DENND2B: variants seen among roughly 807,000 people sequenced by gnomAD.
DENND2B encodes DENN domain containing 2B, also known as DENN domain-containing protein 2B.
Under a neutral mutation model 116.0 loss-of-function variants are expected in DENND2B, and 32 were observed. The observed-to-expected ratio is 0.28, with a 90% CI of 0.21 to 0.37. The LOEUF is 0.37. Ranked by LOEUF, DENND2B falls within the 10% of genes least tolerant of loss-of-function variation. DENND2B has a pLI of 1.00. For synonymous variants in DENND2B, 588 were observed against 583.9 expected, an observed-to-expected ratio of 1.01 and a Z score of -0.10; for missense variants, 1,276 against 1,477.7, an observed-to-expected ratio of 0.86 and a Z score of 2.24.
chr11:8,837,077 G>C (rs2062458103), intron 4 of DENND2B, among the ~76,000 whole-genome samples: 2 of 151,994 alleles, frequency 1.3e-5, no homozygotes, highest in Admixed American at 6.5e-5. Context: ...AAAATACTTT[G>C]GAGATTGTCT....
At chr11:8,758,768 C>G (rs1329636237) in intron 1 of DENND2B, among the ~76,000 whole-genome samples, 1 of 152,164 alleles carries the variant, frequency 6.6e-6, no homozygotes, top group Non-Finnish European at 1.5e-5. Context: ...AGCGCTGTGC[C>G]TCCTCATCCA....
chr11:8,799,753 T>G (rs2060155312), intron 1 of DENND2B, among the ~76,000 whole-genome samples: 1 of 151,536 alleles, frequency 6.6e-6, no homozygotes, highest in South Asian at 2.1e-4. Context: ...TCCTTTATAG[T>G]TGCTGGGGTC....
At chr11:8,724,244 C>G (rs1481174807) in intron 4 of DENND2B, among the ~76,000 whole-genome samples, 1 of 151,504 alleles carries the variant, frequency 6.6e-6, no homozygotes, top group Admixed American at 6.6e-5. Context: ...TGCAGTGAGC[C>G]GAGATCGCAC....
rs1251910665 is a variant in DENND2B, at chr11:8,730,800, T to C, written c.490A>G (p.Ile164Val). The change falls in exon 3 of 20, where the codon ATC becomes GTC. Residue 164 changes from isoleucine (I) to valine (V), a missense_variant. Transcript: ENST00000313726. The surrounding 1 kb of genome is among the most constrained non-coding windows in gnomAD (Gnocchi z 4.1). The part of the protein sequence containing the change: ...RTGTRAHSLG[I>V]REKISAWEGR... ...TCCCATGCTGATATCTTCTCCCGGA[T>C]GCCCAGGCTGTGGGCGCGGGTACCG... 5 of 1,613,132 alleles carry C rather than the reference T, an allele frequency of 3.1e-6. No individual in the cohort carries two copies. In the Admixed American group the frequency reaches 6.7e-5, roughly 21 times the overall value.
rs764507067 is a variant in DENND2B at position 8,726,185 on chromosome 11, T to G, written c.1365A>C (p.Ala455=). 2 of 1,612,086 alleles carry G rather than the reference T, an allele frequency of 1.2e-6. No homozygotes were observed. Among genetic ancestry groups the G allele is most frequent in the Non-Finnish European group, 1.7e-6 (2 of 1,179,230 alleles). The part of the protein sequence containing the change: ...QSRKSFEFED[A]SSLQSLYPSS... ...AGGGGTACAGGGACTGGAGACTGGATGCATCCTCAAACTCAAAGGATTTTC... is the reference window on the plus strand; with the variant it reads ...AGGGGTACAGGGACTGGAGACTGGAGGCATCCTCAAACTCAAAGGATTTTC... The change falls in exon 4 of 20, where the codon GCA becomes GCC. Residue 455 remains alanine (A), a synonymous_variant. Transcript: ENST00000313726.
At chr11:8,724,468 TCTC>T (rs1363885336) in intron 4 of DENND2B, among the ~76,000 whole-genome samples, 2 of 152,002 alleles carry the variant, frequency 1.3e-5, no homozygotes, top group Non-Finnish European at 2.9e-5. Flanking sequence ...ACACAGCCTC[TCTC>T]CTCCTCACTG....
At chr11:8,858,201 C>G (rs1441430803) in intron 2 of DENND2B, among the ~76,000 whole-genome samples, 2 of 152,142 alleles carry the variant, frequency 1.3e-5, no homozygotes, top group Admixed American at 1.3e-4. Context: ...GCAAAAGATA[C>G]CATTTAGTCA....
chr11:8,726,296 A>T, intron 3 of DENND2B, 87 bp from the exon 4 acceptor site: 1 of 1,497,290 alleles, frequency 6.7e-7, no homozygotes, highest in Non-Finnish European at 8.9e-7. Flanking sequence ...AGCAAAGACC[A>T]TAGGCCCTCC....
At chr11:8,844,983 C>G (rs1016617224) in intron 3 of DENND2B, among the ~76,000 whole-genome samples, 2 of 152,100 alleles carry the variant, frequency 1.3e-5, no homozygotes, top group Non-Finnish European at 2.9e-5. Flanking sequence ...CTCAAGTGAT[C>G]CTCCTGCCTC....
At chr11:8,715,490 A>C in intron 6 of DENND2B, 113 bp downstream of exon 6, 1 of 1,049,326 alleles carries the variant, frequency 9.5e-7, no homozygotes, top group Non-Finnish European at 1.4e-6. Context: ...TTCAAAGGGA[A>C]TCGAGGAAGC....
chr11:8,871,695 A>G (rs2063784800), upstream of DENND2B, among the ~76,000 whole-genome samples: 2 of 152,200 alleles, frequency 1.3e-5, no homozygotes, highest in African/African-American at 2.4e-5. Flanking sequence ...GTCTCAACCG[A>G]AAGCTCCAAA....
At chr11:8,791,135 AC>A (rs2059342453) in intron 1 of DENND2B, among the ~76,000 whole-genome samples, 1 of 152,154 alleles carries the variant, frequency 6.6e-6, no homozygotes, top group African/African-American at 2.4e-5. Flanking sequence ...ACCTGCTTAG[AC>A]TTTGGCCTAC....
At chr11:8,824,854 T>TTG (rs2061914956) in intron 4 of DENND2B, among the ~76,000 whole-genome samples, 1 of 2,984 alleles carries the variant, frequency 3.4e-4, no homozygotes, top group Non-Finnish European at 0.01. Context: ...CACCCAGCTA[T>TTG]TTTTTTTTTT....
intron 1 of DENND2B, among the ~76,000 whole-genome samples, chr11:8,801,098 T>C (rs1359391878): frequency 6.6e-6 from 1 of 151,816 alleles, no homozygotes; most frequent in Non-Finnish European, 1.5e-5. Flanking sequence ...ATTCCCATTC[T>C]GCTCTTTGAC....
chr11:8,875,205 C>T (rs1172986782), upstream of DENND2B, among the ~76,000 whole-genome samples: 3 of 151,720 alleles, frequency 2.0e-5, no homozygotes, highest in Non-Finnish European at 2.9e-5. Flanking sequence ...CACCTGTAGT[C>T]CCAGCTACTT....
chr11:8,719,878 T>TC (rs996861616), intron 4 of DENND2B, among the ~76,000 whole-genome samples: 2 of 152,154 alleles, frequency 1.3e-5, no homozygotes, highest in African/African-American at 2.4e-5. Flanking sequence ...TTTATTGTCA[T>TC]CCCCAACCTA....
intron 1 of DENND2B, among the ~76,000 whole-genome samples, chr11:8,909,475 A>G (rs1170374252): frequency 3.3e-5 from 5 of 150,954 alleles, no homozygotes; most frequent in Admixed American, 1.3e-4. Context: ...GAAGAAATGG[A>G]AAAAAAAAGA....
rs1236406587 is a variant in DENND2B, at chr11:8,731,076, G to A, written c.214C>T (p.Pro72Ser). Residue 72 changes from proline to serine, a missense_variant, in exon 3 of 20, where the codon CCC (proline) becomes TCC (serine). Coordinates refer to ENST00000313726, the MANE Select transcript of DENND2B (RefSeq NM_213618.2). Reference protein sequence around the residue: ...SSRVLLKDRHPPAPSPQNPQD... With the variant: ...SSRVLLKDRHSPAPSPQNPQD... ...GGATTCTGGGGTGAAGGAGCTGGGG[G>A]GTGCCGGTCCTTGAGGAGCACCCGG... 1 of 1,613,050 alleles carries A rather than the reference G, an allele frequency of 6.2e-7. No homozygotes were observed. The highest frequency in any genetic ancestry group is 1.7e-5 in the Admixed American group (1 of 59,968).
chr11:8,768,020 AAG>A (rs1378322785), intron 1 of DENND2B, among the ~76,000 whole-genome samples: 1 of 151,846 alleles, frequency 6.6e-6, no homozygotes, highest in African/African-American at 2.4e-5. Flanking sequence ...GGACAAAAGA[AAG>A]AGATCTAGAT....
Sources: gnomAD v4.1 joint callset for allele counts (sites outside exome capture counted in the v4.1 genomes callset) on GRCh38, gnomAD v4.1.1 for gene constraint, Gnocchi (gnomAD v3.1) non-coding constraint, MANE v1.5 for transcripts, NCBI Gene and HGNC (gene_info 2026-07-23, HGNC 2026-07-21) for gene names.